WNK3: variants seen among roughly 807,000 people sequenced by gnomAD.
The protein encoded by WNK3 is WNK lysine deficient protein kinase 3.
WNK3 carries 18 observed loss-of-function variants against 116.7 expected under a neutral mutation model. The ratio of observed to expected loss-of-function variants is 0.15; its 90% CI spans 0.11 to 0.23. WNK3 has a LOEUF of 0.23. Among genes scored for constraint, WNK3 ranks in the 10% least tolerant of loss-of-function variants. The pLI is 1.00. For synonymous variants in WNK3, 404 were observed against 469.4 expected (o/e 0.86, Z 1.80); for missense variants, 993 against 1,323.8 (o/e 0.75, Z 3.88).
intron 1 of WNK3, among the ~76,000 whole-genome samples, chrX:54,343,312 G>C (rs782437700): frequency 1.8e-5 from 2 of 110,497 alleles, no homozygotes; most frequent in African/African-American, 6.6e-5. Context: ...TTCAAGATCA[G>C]CCTGGCCAAG....
exon 2 of WNK3, chrX:54,333,558 A>G: frequency 8.3e-7 from 1 of 1,209,901 alleles, no homozygotes; most frequent in Non-Finnish European, 1.1e-6. Context: ...TTTCTCCTTT[A>G]GTCTAGCTTC....
intron 6 of WNK3, among the ~76,000 whole-genome samples, chrX:54,300,569 A>T (rs1466644814): frequency 2.7e-5 from 3 of 112,239 alleles, no homozygotes; most frequent in Non-Finnish European, 5.6e-5. Context: ...CTGATGATGA[A>T]GACTGTGCTT....
At chrX:54,210,754 T>C (rs2067604312) in intron 22 of WNK3, among the ~76,000 whole-genome samples, 1 of 112,166 alleles carries the variant, frequency 8.9e-6, no homozygotes, top group African/African-American at 3.2e-5. Context: ...AAAAATAATT[T>C]CTGGCTTCCA....
intron 2 of WNK3, among the ~76,000 whole-genome samples, chrX:54,316,574 G>C (rs1357845052): frequency 1.9e-5 from 2 of 104,437 alleles, no homozygotes; most frequent in Non-Finnish European, 3.9e-5. Flanking sequence ...GAAGACAAGA[G>C]AAAGCTCACT....
At chrX:54,301,259 A>T (rs1393392711) in intron 6 of WNK3, among the ~76,000 whole-genome samples, 1 of 108,922 alleles carries the variant, frequency 9.2e-6, no homozygotes, top group African/African-American at 3.3e-5. Flanking sequence ...AAAAAAAAAA[A>T]AAATTAAAAA....
intron 20 of WNK3, among the ~76,000 whole-genome samples, chrX:54,235,620 C>T (rs941382892): frequency 9.0e-5 from 10 of 111,371 alleles, no homozygotes; most frequent in South Asian, 7.6e-4. Context: ...TTTAGTCCTC[C>T]CTGGTTCTCC....
intron 10 of WNK3, among the ~76,000 whole-genome samples, chrX:54,271,800 A>C (rs1044967650): frequency 8.9e-6 from 1 of 111,902 alleles, no homozygotes; most frequent in Non-Finnish European, 1.9e-5. Context: ...GCTATTTACG[A>C]AGCTGGCTCC....
chrX:54,267,432 A>C (rs1317458921), intron 10 of WNK3, among the ~76,000 whole-genome samples: 1 of 111,037 alleles, frequency 9.0e-6, no homozygotes, highest in Non-Finnish European at 1.9e-5. Flanking sequence ...ATTTGTAAAA[A>C]GAGTCAAAAG....
chrX:54,297,490 T>C (rs189012365), intron 7 of WNK3, among the ~76,000 whole-genome samples: 59 of 104,553 alleles, frequency 5.6e-4, no homozygotes, highest in Non-Finnish European at 9.8e-4. Flanking sequence ...GACAGGAGAG[T>C]CGCTTGAACT....
chrX:54,286,760 A>G (rs1055985771), intron 10 of WNK3, among the ~76,000 whole-genome samples: 3 of 109,206 alleles, frequency 2.7e-5, no homozygotes, highest in Non-Finnish European at 5.7e-5. Flanking sequence ...TAAAAATACA[A>G]AAATTAGCTG....
intron 1 of WNK3, among the ~76,000 whole-genome samples, chrX:54,356,459 C>T (rs1557179395): frequency 9.0e-6 from 1 of 111,153 alleles, no homozygotes; most frequent in African/African-American, 3.3e-5. Context: ...TACAGGCACG[C>T]TCCACCACGC....
intron 2 of WNK3, among the ~76,000 whole-genome samples, chrX:54,320,046 C>A (rs1316182504): frequency 9.0e-6 from 1 of 111,674 alleles, no homozygotes; most frequent in African/African-American, 3.2e-5. Context: ...TGTCAAATAT[C>A]AGTGTTATAA....
rs1362493070 is a variant in WNK3 at position 54,272,408 on chromosome X, A to G, written c.2038-13070T>C. On this transcript the variant is annotated intron_variant, in intron 10 of 23. Transcript: ENST00000354646. Reference sequence around the variant, plus strand: ...GGCTGCAATAAGCTATGATAGTGCCACTGCACTAGGTGACAGAGTGAAACC... The same window carrying G: ...GGCTGCAATAAGCTATGATAGTGCCGCTGCACTAGGTGACAGAGTGAAACC... 2.7e-5 allele frequency among the ~76,000 whole-genome samples: 3 copies of G among 109,739 alleles called. No individual in the cohort carries two copies. The East Asian group carries it at 8.5e-4, about 31-fold the overall frequency.
intron 22 of WNK3, among the ~76,000 whole-genome samples, chrX:54,209,531 C>T (rs1159373277): frequency 2.9e-5 from 3 of 103,509 alleles, no homozygotes; most frequent in African/African-American, 7.1e-5. Flanking sequence ...AGGATATATA[C>T]GTGTTAAGCA....
intron 22 of WNK3, among the ~76,000 whole-genome samples, chrX:54,218,574 A>T (rs1418006621): frequency 9.2e-6 from 1 of 108,840 alleles, no homozygotes; most frequent in Non-Finnish European, 1.9e-5. Context: ...AAGAATTAAA[A>T]AAAAAAAAAA....
chrX:54,250,196 G>T, intron 15 of WNK3, 65 bp from the exon 16 acceptor site: 1 of 1,029,924 alleles, frequency 9.7e-7, no homozygotes, highest in Non-Finnish European at 1.3e-6. Context: ...CTTATTGACT[G>T]AAGAAGCCAG....
At chrX:54,200,094 T>C in intron 23 of WNK3, among the ~76,000 whole-genome samples, 1 of 112,581 alleles carries the variant, frequency 8.9e-6, no homozygotes, top group Admixed American at 9.5e-5. Context: ...CTCTGCTTAA[T>C]CATCACTTTC....
chrX:54,337,761 TAAATA>T (rs1285822703), intron 1 of WNK3, among the ~76,000 whole-genome samples: 1 of 106,775 alleles, frequency 9.4e-6, no homozygotes, highest in Non-Finnish European at 1.9e-5. Context: ...GTCTCAAAAA[TAAATA>T]AAATAAAATA....
intron 22 of WNK3, among the ~76,000 whole-genome samples, chrX:54,217,570 C>T (rs938538522): frequency 1.9e-5 from 2 of 107,841 alleles, no homozygotes; most frequent in Admixed American, 2.0e-4. Context: ...TGCAGTGAGC[C>T]GAGATCACAC....
Sources: gnomAD v4.1 joint callset for allele counts (sites outside exome capture counted in the v4.1 genomes callset) on GRCh38, gnomAD v4.1.1 for gene constraint, MANE v1.5 for transcripts, NCBI Gene and HGNC (gene_info 2026-07-23, HGNC 2026-07-21) for gene names.